The following SCFD2 variants were observed in gnomAD, a reference collection of about 807,000 sequenced individuals.
SCFD2 encodes the protein sec1 family domain-containing protein 2.
Under a neutral mutation model 58.9 loss-of-function variants are expected in SCFD2, and 54 were observed. That is an observed-to-expected ratio of 0.92 (90% confidence interval 0.74 to 1.15). SCFD2 has a LOEUF of 1.15. Ranked by LOEUF, SCFD2 falls within the 50% of genes most tolerant of loss-of-function variation. The probability of loss-of-function intolerance (pLI) is 0.00; values close to 1 mark genes in which losing one functional copy is unlikely to be tolerated. For missense variants in SCFD2, 805 were observed against 836.6 expected, an observed-to-expected ratio of 0.96 and a Z score of 0.47; for synonymous variants, 321 against 335.9, an observed-to-expected ratio of 0.96 and a Z score of 0.49.
intron 4 of SCFD2, among the ~76,000 whole-genome samples, chr4:53,164,805 A>T (rs1234892601): frequency 1.1e-5 from 1 of 94,328 alleles, no homozygotes; most frequent in Non-Finnish European, 2.2e-5. Context: ...AAAAAAAAAA[A>T]AGAAGAAGAA....
At chr4:53,354,422 G>A (rs374022573) in intron 1 of SCFD2, among the ~76,000 whole-genome samples, 11 of 152,224 alleles carry the variant, frequency 7.2e-5, no homozygotes, top group Non-Finnish European at 1.0e-4. Flanking sequence ...GCCTGCCAGC[G>A]CCGCAGTGCA....
At chr4:52,952,478 C>G (rs1720622146) in intron 5 of SCFD2, among the ~76,000 whole-genome samples, 1 of 152,078 alleles carries the variant, frequency 6.6e-6, no homozygotes, top group Non-Finnish European at 1.5e-5. Flanking sequence ...AGAGAGAAAG[C>G]AAGTAAGTTC....
At chr4:53,056,628 A>G (rs1463476736) in intron 5 of SCFD2, among the ~76,000 whole-genome samples, 2 of 152,156 alleles carry the variant, frequency 1.3e-5, no homozygotes, top group South Asian at 2.1e-4. Context: ...TCATGACTTC[A>G]TTCTAGAGAT....
At chr4:53,215,126 G>A (rs1402287134) in intron 4 of SCFD2, among the ~76,000 whole-genome samples, 1 of 152,044 alleles carries the variant, frequency 6.6e-6, no homozygotes, top group Non-Finnish European at 1.5e-5. Flanking sequence ...GGATTGACTT[G>A]GCAATGCAGG....
intron 4 of SCFD2, among the ~76,000 whole-genome samples, chr4:53,213,739 T>C (rs1231094899): frequency 3.9e-5 from 6 of 152,232 alleles, no homozygotes; most frequent in Admixed American, 6.5e-5. Flanking sequence ...ATGTGCCAAG[T>C]TGATGTGCTG....
chr4:52,988,660 C>G (rs1238931704), intron 5 of SCFD2, among the ~76,000 whole-genome samples: 1 of 152,168 alleles, frequency 6.6e-6, no homozygotes, highest in Non-Finnish European at 1.5e-5. Context: ...GGACGCCAAA[C>G]CTCCATTTTA....
rs185276080 is a variant in SCFD2 at position 53,210,183 on chromosome 4, A to G, written c.1311+63643T>C. On this transcript the variant is annotated intron_variant, in intron 4 of 8. Coordinates refer to ENST00000401642, the MANE Select transcript of SCFD2 (RefSeq NM_152540.4). ...TAGACTCTACTTGACTCTAATGCTT[A>G]AGATTCTGGGCTCTGAACTGTGGGC... Among the ~76,000 whole-genome samples, 341 of 152,212 alleles carry G rather than the reference A, an allele frequency of 2.2e-3. 3 individuals carry two copies. Among genetic ancestry groups the G allele is most frequent in the African/African-American group, 7.9e-3 (326 of 41,486 alleles).
chr4:53,185,888 G>A (rs1159304134), intron 4 of SCFD2, among the ~76,000 whole-genome samples: 1 of 152,060 alleles, frequency 6.6e-6, no homozygotes, highest in East Asian at 1.9e-4. Flanking sequence ...CCCTCCTTGA[G>A]ATGCAACATG....
At chr4:53,025,310 C>T (rs1026782900) in intron 5 of SCFD2, among the ~76,000 whole-genome samples, 3 of 152,116 alleles carry the variant, frequency 2.0e-5, no homozygotes, top group Admixed American at 6.5e-5. Flanking sequence ...ATCCTTCTTA[C>T]AATGAAATTA....
intron 5 of SCFD2, among the ~76,000 whole-genome samples, chr4:53,042,714 G>C (rs183308573): frequency 1.3e-5 from 2 of 150,956 alleles, no homozygotes; most frequent in Non-Finnish European, 2.9e-5. Flanking sequence ...TTTTTTCAGC[G>C]AATTCAGCCA....
chr4:53,201,108 T>C (rs1728219779), intron 4 of SCFD2, among the ~76,000 whole-genome samples: 1 of 152,152 alleles, frequency 6.6e-6, no homozygotes. Flanking sequence ...TGTGCCATGT[T>C]GGTGTGCTGC....
intron 6 of SCFD2, among the ~76,000 whole-genome samples, chr4:52,910,962 A>G (rs550428598): frequency 2.0e-5 from 3 of 152,270 alleles, no homozygotes; most frequent in Admixed American, 6.5e-5. Context: ...CTGTGAGTCA[A>G]TTAAACCTCT....
At chr4:53,008,815 C>T (rs1362860149) in intron 5 of SCFD2, among the ~76,000 whole-genome samples, 1 of 152,186 alleles carries the variant, frequency 6.6e-6, no homozygotes, top group Non-Finnish European at 1.5e-5. Flanking sequence ...ATGTGACTGG[C>T]CTCAAAGTTC....
chr4:53,251,890 T>C (rs887511406), intron 4 of SCFD2, among the ~76,000 whole-genome samples: 2 of 150,616 alleles, frequency 1.3e-5, no homozygotes, highest in Non-Finnish European at 3.0e-5. Context: ...CCAGAGCAAT[T>C]AGGCAGGAGA....
chr4:52,995,864 C>T (rs1721731310), intron 5 of SCFD2, among the ~76,000 whole-genome samples: 1 of 152,196 alleles, frequency 6.6e-6, no homozygotes, highest in Non-Finnish European at 1.5e-5. Flanking sequence ...TGCCCTATTA[C>T]CTCCTGGTCT....
intron 2 of SCFD2, among the ~76,000 whole-genome samples, chr4:53,332,132 G>A (rs910714426): frequency 6.6e-6 from 1 of 151,248 alleles, no homozygotes; most frequent in African/African-American, 2.4e-5. Context: ...AAGAGTCCAG[G>A]ACCAGACGGA....
intron 4 of SCFD2, 187 bp downstream of exon 4, chr4:53,273,639 T>A (rs975927870): frequency 1.5e-5 from 7 of 459,524 alleles, no homozygotes; most frequent in South Asian, 4.3e-5. Flanking sequence ...ACTGTCAAAA[T>A]TTTTTTTTAA....
At chr4:52,907,701 T>C in intron 6 of SCFD2, 110 bp from the exon 7 acceptor site, 1 of 899,326 alleles carries the variant, frequency 1.1e-6, no homozygotes, top group Admixed American at 1.8e-5. Flanking sequence ...TACTGAGCAA[T>C]GCCTATATGT....
Position 53,282,125 on chromosome 4 carries a change from G to T in SCFD2, c.1136-8124C>A, listed in dbSNP as rs558604140. 3.8e-4 allele frequency among the ~76,000 whole-genome samples: 58 copies of T among 152,130 alleles called. No individual in the cohort carries two copies. In the South Asian group the frequency reaches 0.012, roughly 30 times the overall value. ...TTTAGAGCTTTTTCAAACTTTTATT[G>T]TAGGTTCAGGGGTAGAGGTGCAGGT... On this transcript the variant is annotated intron_variant, in intron 3 of 8. Coordinates refer to ENST00000401642, the MANE Select transcript of SCFD2 (RefSeq NM_152540.4).
Sources: gnomAD v4.1 joint callset for allele counts (sites outside exome capture counted in the v4.1 genomes callset) on GRCh38, gnomAD v4.1.1 for gene constraint, MANE v1.5 for transcripts, NCBI Gene and HGNC (gene_info 2026-07-23, HGNC 2026-07-21) for gene names.